Variants in SEC24D observed in about 807,000 individuals in gnomAD.
SEC24D encodes the protein SEC24 homolog D, COPII component.
SEC24D carries 69 observed loss-of-function variants against 116.9 expected under a neutral mutation model. That is an observed-to-expected ratio of 0.59 (90% CI 0.49 to 0.72). SEC24D has a LOEUF of 0.72. Ranked by LOEUF, SEC24D falls within the 30% of genes least tolerant of loss-of-function variation. The pLI is 0.00. For missense variants in SEC24D, 1,131 were observed against 1,264.1 expected (o/e 0.89, Z 1.60); for synonymous variants, 405 against 442.8 (o/e 0.91, Z 1.07).
At chr4:118,775,423 T>C (rs1475027593) in intron 8 of SEC24D, among the ~76,000 whole-genome samples, 4 of 151,000 alleles carry the variant, frequency 2.6e-5, no homozygotes, top group African/African-American at 9.7e-5. Flanking sequence ...TGGGCACTTA[T>C]GAGGAGCTAT....
At chr4:118,813,813 A>G (rs1029395420) in intron 6 of SEC24D, among the ~76,000 whole-genome samples, 19 of 152,202 alleles carry the variant, frequency 1.2e-4, no homozygotes, top group Non-Finnish European at 2.6e-4. Flanking sequence ...GATTTGTGGT[A>G]ATTTGTTACA....
intron 2 of SEC24D, among the ~76,000 whole-genome samples, chr4:118,831,963 G>T (rs1360872775): frequency 2.0e-5 from 3 of 152,140 alleles, no homozygotes; most frequent in Non-Finnish European, 4.4e-5. Flanking sequence ...AGCACCTTGG[G>T]AGGTGGAGGC....
chr4:118,763,794 T>C (rs1298519920), intron 10 of SEC24D, among the ~76,000 whole-genome samples: 1 of 152,154 alleles, frequency 6.6e-6, no homozygotes, highest in Non-Finnish European at 1.5e-5. Context: ...GTAAATGTCA[T>C]AAAGATGACG....
intron 2 of SEC24D, among the ~76,000 whole-genome samples, chr4:118,827,694 G>C (rs116788606): frequency 0.044 from 6,656 of 152,258 alleles, 200 homozygotes; most frequent in Non-Finnish European, 0.064. Context: ...GGGAGAGAAT[G>C]GTGGTGACTT....
chr4:118,755,295 G>A (rs536488396), intron 11 of SEC24D, among the ~76,000 whole-genome samples: 1 of 151,880 alleles, frequency 6.6e-6, no homozygotes, highest in African/African-American at 2.4e-5. Context: ...CTAATACATT[G>A]ATGTTCTTTT....
chr4:118,768,058 A>C, intron 9 of SEC24D, 115 bp downstream of exon 9: 1 of 785,762 alleles, frequency 1.3e-6, no homozygotes, highest in Non-Finnish European at 1.9e-6. Context: ...GAAAATTATA[A>C]AGAAGGTACT....
intron 2 of SEC24D, among the ~76,000 whole-genome samples, chr4:118,826,073 C>T (rs577390388): frequency 4.0e-5 from 6 of 151,780 alleles, no homozygotes; most frequent in Non-Finnish European, 8.8e-5. Flanking sequence ...TACAAGGTTT[C>T]CTCTCTTAAA....
intron 8 of SEC24D, among the ~76,000 whole-genome samples, chr4:118,775,482 C>T (rs1006897224): frequency 1.3e-5 from 2 of 151,712 alleles, no homozygotes; most frequent in African/African-American, 4.8e-5. Flanking sequence ...AACAGCTTAA[C>T]ACAGGAGGAA....
rs376715641 is a variant in SEC24D at position 118,815,456 on chromosome 4, T to A, written c.668A>T (p.Gln223Leu). The change falls in exon 5 of 23, where the codon CAG becomes CTG. Residue 223 changes from glutamine (Q) to leucine (L), a missense_variant. By Grantham distance (113) the Gln-to-Leu change is moderately radical. Transcript: ENST00000280551. ...CTGCACCCTGTCCGCCTTACCCTGC[T>A]GCGGAGGATATCCAGCACCCAAGGT... Reference protein sequence around the residue: ...GQTLGAGYPPQQANSGPQMAG... With the variant: ...GQTLGAGYPPLQANSGPQMAG... 10 of 1,613,912 alleles carry A rather than the reference T, an allele frequency of 6.2e-6. No individual in the cohort carries two copies. The highest frequency in any genetic ancestry group is 5.0e-5 in the Admixed American group (3 of 59,988).
At chr4:118,827,254 AC>A (rs1484409068) in intron 2 of SEC24D, among the ~76,000 whole-genome samples, 3 of 152,056 alleles carry the variant, frequency 2.0e-5, no homozygotes, top group Non-Finnish European at 4.4e-5. Flanking sequence ...CTTGCACTTC[AC>A]CCCCAGGGCA....
rs139966914 is a variant in SEC24D at position 118,770,749 on chromosome 4, G to A, written c.1042-2438C>T. Among the ~76,000 whole-genome samples the A allele has an allele frequency of 6.5e-3, 991 of 152,152 alleles. 11 individuals are homozygous for A. Among genetic ancestry groups the A allele is most frequent in the African/African-American group, 0.023 (938 of 41,518 alleles). On this transcript the variant is annotated intron_variant, in intron 8 of 22. Transcript: ENST00000280551. ...AGCCTAAAATTACTGTGAAATTGTC[G>A]GCAATGAACACCTATGCATTCCAGT...
chr4:118,756,356 ATTC>A (rs749224727), intron 11 of SEC24D, among the ~76,000 whole-genome samples: 15 of 152,262 alleles, frequency 9.9e-5, no homozygotes, highest in Middle Eastern at 3.4e-3. Context: ...CTCCCAGCTC[ATTC>A]TTCATTTTAG....
In SEC24D at chr4:118,752,608, T is replaced by C. The variant is rs1466584563; in HGVS notation, c.1613+89A>G. On this transcript the variant is annotated intron_variant, in intron 12 of 22. Transcript: ENST00000280551. Reference sequence around the variant, plus strand: ...TGTCTTGAAACCCCCTTGCTAATGATAAAACAATGTATGATTGAATCAAAA... The same window carrying C: ...TGTCTTGAAACCCCCTTGCTAATGACAAAACAATGTATGATTGAATCAAAA... The C allele has an allele frequency of 4.5e-6, 4 of 883,658 alleles. No homozygotes were observed. The Admixed American group carries it at 1.3e-4, about 28-fold the overall frequency. The allele number at this position is 883,658 out of a possible 1,614,324, so 54.7% of individuals were successfully genotyped here. A position where few individuals can be genotyped will look rare whatever the true frequency, so the allele number is the denominator to read the frequency against.
At chr4:118,771,842 C>T (rs1290370053) in intron 8 of SEC24D, among the ~76,000 whole-genome samples, 1 of 152,062 alleles carries the variant, frequency 6.6e-6, no homozygotes, top group Non-Finnish European at 1.5e-5. Context: ...ATTTGTACCA[C>T]AGGTACCTTT....
At chr4:118,744,240 T>G in intron 14 of SEC24D, 82 bp from the exon 15 acceptor site, 1 of 1,277,056 alleles carries the variant, frequency 7.8e-7, no homozygotes, top group East Asian at 2.6e-5. Flanking sequence ...TATTGAATTC[T>G]TATTGAATTT....
intron 22 of SEC24D, among the ~76,000 whole-genome samples, chr4:118,724,551 AAATT>A (rs944846225): frequency 7.2e-5 from 11 of 152,220 alleles, no homozygotes; most frequent in Non-Finnish European, 1.0e-4. Flanking sequence ...ATACTGGGTT[AAATT>A]AATTATTTAA....
chr4:118,832,865 T>C (rs994516175), intron 2 of SEC24D, among the ~76,000 whole-genome samples: 7 of 152,274 alleles, frequency 4.6e-5, no homozygotes, highest in Middle Eastern at 3.4e-3. Flanking sequence ...TAAGGCAAGA[T>C]TACAAACATT....
intron 1 of SEC24D, among the ~76,000 whole-genome samples, chr4:118,835,540 A>G (rs1560778926): frequency 6.6e-6 from 1 of 152,222 alleles, no homozygotes; most frequent in Non-Finnish European, 1.5e-5. Context: ...GGATGTCCCG[A>G]GGCTTCAAGA....
rs370171283 is a variant in SEC24D, at chr4:118,817,859, T to G, written c.249-447A>C. Among the ~76,000 whole-genome samples, 19 of 151,434 alleles carry G rather than the reference T, an allele frequency of 1.3e-4. No homozygotes were observed. In the East Asian group the frequency reaches 2.3e-3, roughly 19 times the overall value. On this transcript the variant is annotated intron_variant, in intron 3 of 22. Coordinates refer to ENST00000280551, the MANE Select transcript of SEC24D (RefSeq NM_014822.4). ...TTCAAGACCAGCCTGGGCAACATAG[T>G]GAGACCCCCTTCTCTACAAAAAATA... is the stretch of plus-strand genomic sequence containing the variant.
Sources: gnomAD v4.1 joint callset for allele counts (sites outside exome capture counted in the v4.1 genomes callset) on GRCh38, gnomAD v4.1.1 for gene constraint, MANE v1.5 for transcripts, NCBI Gene and HGNC (gene_info 2026-07-23, HGNC 2026-07-21) for gene names.